CNTNAP5: variants seen among roughly 807,000 people sequenced by gnomAD.
The protein encoded by CNTNAP5 is contactin associated protein family member 5.
CNTNAP5 carries 72 observed loss-of-function variants against 150.2 expected under a neutral mutation model. The observed-to-expected ratio is 0.48, with a 90% CI of 0.40 to 0.58. The LOEUF is 0.58. CNTNAP5 is among the 20% of genes least tolerant of loss of function. CNTNAP5 has a pLI of 0.00. For missense variants in CNTNAP5, 1,636 were observed against 1,626.2 expected (o/e 1.01, Z -0.10); for synonymous variants, 672 against 619.8 (o/e 1.08, Z -1.25).
chr2:124,025,503 G>C lies in CNTNAP5; in HGVS notation c.-148G>C, dbSNP rs1040042028. The C allele has an allele frequency of 4.6e-6, 3 of 658,472 alleles. No homozygotes were observed. The highest frequency in any genetic ancestry group is 2.7e-6 in the Non-Finnish European group (1 of 367,636). The allele number at this position is 658,472 out of a possible 1,614,324, so 40.8% of individuals were successfully genotyped here. ...GCCACGGTTTCGGTGGAGCGTCTGG[G>C]CACGGGATGGAGTGAAAGAGCGAGT... On this transcript the variant is annotated 5_prime_UTR_variant, in exon 1 of 24. Coordinates refer to ENST00000682447, the MANE Select transcript of CNTNAP5 (RefSeq NM_001367498.1).
intron 1 of CNTNAP5, among the ~76,000 whole-genome samples, chr2:124,115,651 T>TC (rs1225415827): frequency 6.7e-6 from 1 of 148,410 alleles, no homozygotes; most frequent in African/African-American, 2.5e-5. Flanking sequence ...TAATAGTCTT[T>TC]TTTTTTTTTT....
intron 5 of CNTNAP5, among the ~76,000 whole-genome samples, chr2:124,441,125 T>C (rs1188815094): frequency 6.6e-6 from 1 of 152,126 alleles, no homozygotes; most frequent in Non-Finnish European, 1.5e-5. Context: ...CAAGTTTCAC[T>C]AAACTTGTTT....
chr2:124,731,521 C>T (rs13386677), intron 13 of CNTNAP5, among the ~76,000 whole-genome samples: 1 of 149,116 alleles, frequency 6.7e-6, no homozygotes, highest in Non-Finnish European at 1.5e-5. Context: ...TCAGAGGGAA[C>T]AAGAAAGGTA....
chr2:124,560,780 G>A (rs1457405409), intron 10 of CNTNAP5, among the ~76,000 whole-genome samples: 1 of 152,096 alleles, frequency 6.6e-6, no homozygotes, highest in African/African-American at 2.4e-5. Context: ...CGACCACACA[G>A]TGTTGGCATC....
At chr2:124,153,048 G>T (rs1684443112) in intron 1 of CNTNAP5, among the ~76,000 whole-genome samples, 1 of 152,046 alleles carries the variant, frequency 6.6e-6, no homozygotes, top group Non-Finnish European at 1.5e-5. Context: ...ACTACCCTTA[G>T]GCCAAGGCTG....
intron 22 of CNTNAP5, among the ~76,000 whole-genome samples, chr2:124,910,461 C>A (rs750715788): frequency 1.3e-5 from 2 of 151,970 alleles, no homozygotes; most frequent in Non-Finnish European, 2.9e-5. Context: ...TACCATTTGA[C>A]AGAGAAGAAA....
intron 14 of CNTNAP5, among the ~76,000 whole-genome samples, chr2:124,751,925 T>C (rs973869531): frequency 6.6e-6 from 1 of 152,158 alleles, no homozygotes; most frequent in African/African-American, 2.4e-5. Flanking sequence ...TTATTTCTTT[T>C]CCCCAGAAAA....
intron 3 of CNTNAP5, among the ~76,000 whole-genome samples, chr2:124,332,991 A>T (rs1217908117): frequency 6.6e-6 from 1 of 152,212 alleles, no homozygotes; most frequent in African/African-American, 2.4e-5. Context: ...ATGTAGACAG[A>T]ATACAAACCC....
rs1193779566 is a variant in CNTNAP5, at chr2:124,826,478, T to C, written c.3217+28158T>C. Among the ~76,000 whole-genome samples, 7 of 152,120 alleles carry C rather than the reference T, an allele frequency of 4.6e-5. No homozygotes were observed. The South Asian group carries it at 1.2e-3, about 27-fold the overall frequency. ...CCAGGCCAGATTCCCAGCCCCTCCC[T>C]GGCCCCTGATCACTTTATTCTGGGA... is the stretch of plus-strand genomic sequence containing the variant. On this transcript the variant is annotated intron_variant, in intron 19 of 23. Coordinates refer to ENST00000682447, the MANE Select transcript of CNTNAP5 (RefSeq NM_001367498.1).
intron 3 of CNTNAP5, among the ~76,000 whole-genome samples, chr2:124,339,546 G>T (rs1031068915): frequency 2.6e-5 from 4 of 152,134 alleles, no homozygotes; most frequent in Admixed American, 2.0e-4. Context: ...TGAGTTTGCA[G>T]GAGGAAATAG....
chr2:124,667,457 T>C (rs1678724302), intron 13 of CNTNAP5, among the ~76,000 whole-genome samples: 1 of 152,178 alleles, frequency 6.6e-6, no homozygotes, highest in African/African-American at 2.4e-5. Flanking sequence ...AACCTGCTCA[T>C]TGCACCTGCT....
chr2:124,388,702 C>A (rs1690998331), intron 3 of CNTNAP5, among the ~76,000 whole-genome samples: 1 of 151,870 alleles, frequency 6.6e-6, no homozygotes, highest in Admixed American at 6.6e-5. Flanking sequence ...CTTTTCTTTT[C>A]TTTTGTTTTT....
chr2:124,298,655 C>A (rs927331158), intron 3 of CNTNAP5, among the ~76,000 whole-genome samples: 1 of 152,034 alleles, frequency 6.6e-6, no homozygotes, highest in African/African-American at 2.4e-5. Flanking sequence ...TTTTTTCAGA[C>A]CCCCAATAAA....
chr2:124,407,930 G>T (rs925165970), intron 3 of CNTNAP5, among the ~76,000 whole-genome samples: 1 of 152,158 alleles, frequency 6.6e-6, no homozygotes, highest in Non-Finnish European at 1.5e-5. Flanking sequence ...CAGCGTGAGC[G>T]ACGCAGAAGA....
chr2:124,043,934 C>T (rs911497209), intron 1 of CNTNAP5, among the ~76,000 whole-genome samples: 15 of 152,174 alleles, frequency 9.9e-5, no homozygotes, highest in African/African-American at 3.4e-4. Context: ...TCACATCTTA[C>T]CTTTATCTGC....
intron 3 of CNTNAP5, among the ~76,000 whole-genome samples, chr2:124,246,717 G>A (rs1259795918): frequency 7.2e-5 from 11 of 151,958 alleles, no homozygotes; most frequent in East Asian, 5.8e-4. Context: ...TTTCCTTCAT[G>A]AGCACAATTC....
At chr2:124,658,323 G>A (rs1192574614) in intron 13 of CNTNAP5, among the ~76,000 whole-genome samples, 1 of 152,058 alleles carries the variant, frequency 6.6e-6, no homozygotes, top group Non-Finnish European at 1.5e-5. Context: ...TGGGCCACAG[G>A]TTTCTCCTCT....
At chr2:124,859,730 T>TA (rs1322642892) in intron 19 of CNTNAP5, among the ~76,000 whole-genome samples, 2 of 151,964 alleles carry the variant, frequency 1.3e-5, no homozygotes, top group Admixed American at 6.6e-5. Flanking sequence ...TATGCAGCCA[T>TA]AAAAAAGGAT....
chr2:124,519,678 T>G (rs912924708), intron 8 of CNTNAP5, among the ~76,000 whole-genome samples: 3 of 152,254 alleles, frequency 2.0e-5, no homozygotes, highest in Non-Finnish European at 4.4e-5. Context: ...GCCTGGCACA[T>G]TATAGGCATT....
Sources: gnomAD v4.1 joint callset for allele counts (sites outside exome capture counted in the v4.1 genomes callset) on GRCh38, gnomAD v4.1.1 for gene constraint, MANE v1.5 for transcripts, NCBI Gene and HGNC (gene_info 2026-07-23, HGNC 2026-07-21) for gene names.